Variants in KCNAB1 observed in about 807,000 individuals in gnomAD.
KCNAB1 encodes voltage-gated potassium channel subunit beta-1.
KCNAB1 carries 35 observed loss-of-function variants against 64.6 expected under a neutral mutation model. The ratio of observed to expected loss-of-function variants is 0.54; its 90% CI spans 0.41 to 0.72. The LOEUF is 0.72. KCNAB1 is among the 30% of genes least tolerant of loss of function. The probability of loss-of-function intolerance (pLI) is 0.00; values close to 1 mark genes in which losing one functional copy is unlikely to be tolerated. For synonymous variants in KCNAB1, 177 were observed against 183.8 expected, an observed-to-expected ratio of 0.96 and a Z score of 0.30; for missense variants, 401 against 512.9, an observed-to-expected ratio of 0.78 and a Z score of 2.11.
chr3:156,258,097 A>T (rs997219763), intron 1 of KCNAB1, among the ~76,000 whole-genome samples: 1 of 152,196 alleles, frequency 6.6e-6, no homozygotes, highest in African/African-American at 2.4e-5. Flanking sequence ...CTTTTCTAAT[A>T]AAATTCCCAG....
intron 8 of KCNAB1, among the ~76,000 whole-genome samples, chr3:156,481,070 G>T (rs575921163): frequency 6.6e-5 from 10 of 152,144 alleles, no homozygotes; most frequent in African/African-American, 2.4e-4. Context: ...ACAGGTTGCT[G>T]CCAAACAGCC....
At chr3:156,208,218 C>T (rs1714784700) in intron 1 of KCNAB1, among the ~76,000 whole-genome samples, 1 of 152,146 alleles carries the variant, frequency 6.6e-6, no homozygotes, top group African/African-American at 2.4e-5. Context: ...ATCATGATTT[C>T]CCATTCCTGA....
chr3:156,487,739 G>A (rs796835600), intron 8 of KCNAB1, among the ~76,000 whole-genome samples: 1 of 152,028 alleles, frequency 6.6e-6, no homozygotes, highest in African/African-American at 2.4e-5. Flanking sequence ...AAAAAGGAAA[G>A]CATTGTATCA....
At chr3:156,351,899 G>A (rs1005095828) in intron 1 of KCNAB1, among the ~76,000 whole-genome samples, 8 of 152,278 alleles carry the variant, frequency 5.3e-5, no homozygotes, top group South Asian at 2.1e-4. Flanking sequence ...CCTTGCTCCC[G>A]CTTGGCTTTG....
chr3:156,273,501 T>TG, intron 1 of KCNAB1: 1 of 441,366 alleles, frequency 2.3e-6, no homozygotes, highest in South Asian at 1.7e-5. Context: ...AGCACAGCAC[T>TG]GGGTTCCAAT....
At chr3:156,485,250 TC>T in intron 8 of KCNAB1, among the ~76,000 whole-genome samples, 1 of 152,238 alleles carries the variant, frequency 6.6e-6, no homozygotes, top group Middle Eastern at 3.4e-3. Flanking sequence ...AGCTCTTTCT[TC>T]CCCCAACTTT....
At chr3:156,171,594 G>T (rs995160491) in intron 1 of KCNAB1, among the ~76,000 whole-genome samples, 1 of 152,188 alleles carries the variant, frequency 6.6e-6, no homozygotes, top group Non-Finnish European at 1.5e-5. Context: ...CTTCTCTGAA[G>T]ACAGTTCTTC....
rs556424951 is a variant in KCNAB1, at chr3:156,243,545, G to A, written c.275+122659G>A. ...GCCTGGCTGGTGTGCTTATTTTCAA[G>A]GGTGAGAAACTAAAACTTTGATGGA... is the stretch of plus-strand genomic sequence containing the variant. On this transcript the variant is annotated intron_variant, in intron 1 of 13. Coordinates refer to ENST00000490337, the MANE Select transcript of KCNAB1 (RefSeq NM_172160.3). 4.1e-3 allele frequency among the ~76,000 whole-genome samples: 621 copies of A among 152,322 alleles called. 5 individuals carry two copies. Among genetic ancestry groups the A allele is most frequent in the African/African-American group, 0.014 (588 of 41,582 alleles).
intron 8 of KCNAB1, among the ~76,000 whole-genome samples, chr3:156,510,186 A>G (rs779027620): frequency 3.5e-4 from 53 of 152,326 alleles, no homozygotes; most frequent in Admixed American, 4.6e-4. Flanking sequence ...ACTACCAGCA[A>G]CAAAAAGACC....
At chr3:156,488,929 T>C (rs1301856350) in intron 8 of KCNAB1, among the ~76,000 whole-genome samples, 1 of 151,780 alleles carries the variant, frequency 6.6e-6, no homozygotes, top group African/African-American at 2.4e-5. Flanking sequence ...AAGAAAAGAG[T>C]GAAGAATGAC....
intron 8 of KCNAB1, among the ~76,000 whole-genome samples, chr3:156,480,741 C>T (rs1714732959): frequency 6.6e-6 from 1 of 152,012 alleles, no homozygotes; most frequent in African/African-American, 2.4e-5. Flanking sequence ...TTCAGCTGCT[C>T]AGTAGACAAT....
At chr3:156,281,998 T>C (rs376429667) in intron 1 of KCNAB1, among the ~76,000 whole-genome samples, 3 of 151,328 alleles carry the variant, frequency 2.0e-5, no homozygotes, top group Admixed American at 6.6e-5. Context: ...TATTTCTTGC[T>C]TTCTGCTAGC....
At chr3:156,144,207 A>G (rs6441036) in intron 1 of KCNAB1, among the ~76,000 whole-genome samples, 97,535 of 151,904 alleles carry the variant, frequency 0.64, 31,955 homozygotes, top group Admixed American at 0.76. Context: ...CAAGGTACTG[A>G]AAACTGAAAA....
At chr3:156,204,555 C>G (rs986124123) in intron 1 of KCNAB1, among the ~76,000 whole-genome samples, 4 of 151,268 alleles carry the variant, frequency 2.6e-5, no homozygotes, top group African/African-American at 9.7e-5. Flanking sequence ...AGCTGGCCGG[C>G]CATGGTGGCT....
At chr3:156,180,113 G>A (rs927193929) in intron 1 of KCNAB1, among the ~76,000 whole-genome samples, 24 of 152,318 alleles carry the variant, frequency 1.6e-4, no homozygotes, top group African/African-American at 5.3e-4. Flanking sequence ...AGTTGTCAGA[G>A]GTCACTCAGC....
At chr3:156,304,841 T>C (rs1399940138) in intron 1 of KCNAB1, among the ~76,000 whole-genome samples, 3 of 152,208 alleles carry the variant, frequency 2.0e-5, no homozygotes, top group African/African-American at 4.8e-5. Flanking sequence ...CAGGTGTTAA[T>C]AGGTAAATTA....
intron 1 of KCNAB1, among the ~76,000 whole-genome samples, chr3:156,184,446 G>A (rs778897159): frequency 6.6e-6 from 1 of 152,172 alleles, no homozygotes; most frequent in Non-Finnish European, 1.5e-5. Flanking sequence ...TCAGGGCTGG[G>A]AGGCAGGCTG....
intron 1 of KCNAB1, among the ~76,000 whole-genome samples, chr3:156,367,621 T>A (rs572995696): frequency 3.1e-4 from 47 of 152,286 alleles, no homozygotes; most frequent in Non-Finnish European, 5.3e-4. Context: ...AGCTGGCAAT[T>A]TTGAGGAGAC....
At chr3:156,454,732 A>G (rs1000658665) in intron 3 of KCNAB1, among the ~76,000 whole-genome samples, 2 of 152,146 alleles carry the variant, frequency 1.3e-5, no homozygotes, top group Admixed American at 1.3e-4. Context: ...TTAATAATCC[A>G]CTGTATCCAG....
Sources: gnomAD v4.1 joint callset for allele counts (sites outside exome capture counted in the v4.1 genomes callset) on GRCh38, gnomAD v4.1.1 for gene constraint, MANE v1.5 for transcripts, NCBI Gene and HGNC (gene_info 2026-07-23, HGNC 2026-07-21) for gene names.